CSMD3: variants seen among roughly 807,000 people sequenced by gnomAD.
CSMD3 encodes the protein CUB and sushi domain-containing protein 3.
In CSMD3, 177 loss-of-function variants were observed where a neutral mutation model predicts 435.2. That is an observed-to-expected ratio of 0.41 (90% confidence interval 0.36 to 0.46). The LOEUF is 0.46. CSMD3 is among the 20% of genes least tolerant of loss of function. CSMD3 has a pLI of 0.34. For missense variants in CSMD3, 4,265 were observed against 4,504.6 expected (o/e 0.95, Z 1.52); for synonymous variants, 1,656 against 1,520.5 (o/e 1.09, Z -2.07).
At chr8:112,819,934 T>C (rs1345081550) in intron 12 of CSMD3, among the ~76,000 whole-genome samples, 1 of 152,154 alleles carries the variant, frequency 6.6e-6, no homozygotes. Context: ...ACTTGGGATG[T>C]AAGGGAATGT....
intron 28 of CSMD3, 37 bp from the exon 29 acceptor site, chr8:112,506,866 A>G (rs1822585013): frequency 2.6e-6 from 4 of 1,551,922 alleles, no homozygotes; most frequent in Middle Eastern, 1.7e-4. Flanking sequence ...CTCTTTAAAC[A>G]TTAATACAAT....
chr8:113,258,395 A>T (rs369027326), intron 3 of CSMD3, among the ~76,000 whole-genome samples: 2 of 152,140 alleles, frequency 1.3e-5, no homozygotes, highest in East Asian at 3.9e-4. Context: ...ATCCCTTTCA[A>T]TCATAGCAAT....
chr8:112,245,745 C>A (rs1323560101), intron 64 of CSMD3, among the ~76,000 whole-genome samples: 1 of 152,126 alleles, frequency 6.6e-6, no homozygotes, highest in Non-Finnish European at 1.5e-5. Flanking sequence ...GCCATGGTGA[C>A]CAGGCTGGTC....
intron 1 of CSMD3, among the ~76,000 whole-genome samples, chr8:113,327,191 T>C (rs2093989902): frequency 6.6e-6 from 1 of 152,218 alleles, no homozygotes; most frequent in African/African-American, 2.4e-5. Context: ...CCTGCTGTTA[T>C]GAGGGCTATA....
chr8:113,088,527 G>T (rs974808560), intron 5 of CSMD3, among the ~76,000 whole-genome samples: 3 of 151,438 alleles, frequency 2.0e-5, no homozygotes, highest in Non-Finnish European at 4.4e-5. Context: ...ATACTATGCA[G>T]CCATAAAAAA....
At chr8:112,716,321 A>C (rs2076727491) in intron 13 of CSMD3, among the ~76,000 whole-genome samples, 1 of 152,226 alleles carries the variant, frequency 6.6e-6, no homozygotes, top group Non-Finnish European at 1.5e-5. Context: ...ACTCCCATTC[A>C]CAATTGCTAC....
At position 112,412,546 on chromosome 8, in the gene CSMD3, C is replaced by T. The variant is rs140736017; in HGVS notation, c.5396-3514G>A. On this transcript the variant is annotated intron_variant, in intron 32 of 70. Coordinates refer to ENST00000297405, the MANE Select transcript of CSMD3 (RefSeq NM_198123.2). ...CTACTCATTTTTTTTCTTCTTTAAA[C>T]ATAATAGATGTTAAAGAAAATGTTT... 1.2e-3 allele frequency among the ~76,000 whole-genome samples: 190 copies of T among 152,010 alleles called. 1 individual carries two copies. The highest frequency in any genetic ancestry group is 4.5e-3 in the African/African-American group (187 of 41,476).
At chr8:113,294,568 A>C (rs1000345712) in intron 2 of CSMD3, among the ~76,000 whole-genome samples, 1 of 152,128 alleles carries the variant, frequency 6.6e-6, no homozygotes, top group Admixed American at 6.6e-5. Flanking sequence ...TATCCAAATT[A>C]TTCTGATGTA....
At chr8:113,267,401 ACTATT>A (rs529382451) in intron 3 of CSMD3, among the ~76,000 whole-genome samples, 260 of 151,910 alleles carry the variant, frequency 1.7e-3, no homozygotes, top group African/African-American at 5.8e-3. Context: ...ACAATGGAAT[ACTATT>A]TGACCATAAA....
intron 22 of CSMD3, among the ~76,000 whole-genome samples, chr8:112,622,327 T>C (rs1387530717): frequency 1.3e-5 from 2 of 152,170 alleles, no homozygotes; most frequent in East Asian, 3.9e-4. Context: ...CAGGTTTCCC[T>C]AGCTTCAGTA....
At chr8:113,013,761 T>A (rs1255126364) in intron 6 of CSMD3, among the ~76,000 whole-genome samples, 1 of 152,044 alleles carries the variant, frequency 6.6e-6, no homozygotes, top group Non-Finnish European at 1.5e-5. Context: ...GTCCATTGTT[T>A]ATGTAGTGGA....
rs758861412 is a variant in CSMD3, at chr8:113,232,021, A to G, written c.514+46571T>C. ...TTTTTTTCATCATAAATTATATACA[A>G]TGCAATTTAAACCACTACTTGCATC... is the stretch of plus-strand genomic sequence containing the variant. On this transcript the variant is annotated intron_variant, in intron 3 of 70. Coordinates refer to ENST00000297405, the MANE Select transcript of CSMD3 (RefSeq NM_198123.2). Among the ~76,000 whole-genome samples the G allele has an allele frequency of 7.3e-5, 11 of 151,586 alleles. No individual in the cohort carries two copies. In the East Asian group the frequency reaches 1.4e-3, roughly 19 times the overall value.
chr8:112,746,554 G>C (rs1482719640), intron 13 of CSMD3, among the ~76,000 whole-genome samples: 2 of 152,022 alleles, frequency 1.3e-5, no homozygotes, highest in African/African-American at 2.4e-5. Context: ...AAAATATATA[G>C]TGTTGTTCTT....
At chr8:112,604,879 C>T (rs1053321179) in intron 22 of CSMD3, among the ~76,000 whole-genome samples, 9 of 152,064 alleles carry the variant, frequency 5.9e-5, no homozygotes, top group African/African-American at 2.2e-4. Context: ...TATTCACAAA[C>T]CATGAATCTG....
chr8:112,941,345 A>G (rs1293342202), intron 9 of CSMD3, among the ~76,000 whole-genome samples: 3 of 151,870 alleles, frequency 2.0e-5, no homozygotes, highest in South Asian at 2.1e-4. Flanking sequence ...TACTTTTTGT[A>G]TAAGTAGGCG....
intron 20 of CSMD3, among the ~76,000 whole-genome samples, chr8:112,639,304 C>T (rs1332807390): frequency 6.6e-6 from 1 of 152,032 alleles, no homozygotes. Flanking sequence ...AAAAGCAATG[C>T]TTAATATTAT....
chr8:113,210,286 G>T (rs550025459), intron 3 of CSMD3, among the ~76,000 whole-genome samples: 1 of 151,974 alleles, frequency 6.6e-6, no homozygotes, highest in Non-Finnish European at 1.5e-5. Context: ...TGGAGTATGA[G>T]CACTGGAATA....
intron 10 of CSMD3, among the ~76,000 whole-genome samples, chr8:112,882,493 T>C (rs1309623165): frequency 5.9e-5 from 9 of 152,082 alleles, no homozygotes; most frequent in South Asian, 4.1e-4. Context: ...GTCCCCTTAT[T>C]TCACTACCTA....
At chr8:112,384,501 A>C (rs1218669568) in intron 36 of CSMD3, among the ~76,000 whole-genome samples, 1 of 152,124 alleles carries the variant, frequency 6.6e-6, no homozygotes, top group Non-Finnish European at 1.5e-5. Context: ...CTATTTTGCT[A>C]TTTCTTTATT....
Sources: allele counts gnomAD v4.1 joint callset (sites outside exome capture counted in the v4.1 genomes callset), GRCh38; gene constraint gnomAD v4.1.1; transcripts MANE v1.5; gene names NCBI Gene and HGNC (gene_info 2026-07-23, HGNC 2026-07-21).